PPFIA2: variants seen among roughly 807,000 people sequenced by gnomAD.
PPFIA2 encodes liprin-alpha-2.
PPFIA2 carries 46 observed loss-of-function variants against 175.5 expected under a neutral mutation model. The observed-to-expected ratio is 0.26, with a 90% CI of 0.21 to 0.34. PPFIA2 has a LOEUF of 0.34. Ranked by LOEUF, PPFIA2 falls within the 10% of genes least tolerant of loss-of-function variation. PPFIA2 has a pLI of 1.00. For synonymous variants in PPFIA2, 568 were observed against 511.4 expected (o/e 1.11, Z -1.49); for missense variants, 1,179 against 1,506.1 (o/e 0.78, Z 3.60).
chr12:81,533,737 ATATATC>A (rs1567218691), intron 4 of PPFIA2, among the ~76,000 whole-genome samples: 7 of 68,650 alleles, frequency 1.0e-4, no homozygotes, highest in Admixed American at 8.5e-4. Context: ...CTATCTATCT[ATATATC>A]TATCTATCTA....
At position 81,747,438 on chromosome 12, in the gene PPFIA2, G is replaced by A. The variant is rs1033490309; in HGVS notation, c.249+6535C>T. Among the ~76,000 whole-genome samples, 5 of 143,914 alleles carry A rather than the reference G, an allele frequency of 3.5e-5. 1 individual carries two copies. Among genetic ancestry groups the A allele is most frequent in the Non-Finnish European group, 6.2e-5 (4 of 64,150 alleles). The allele number at this position is 143,914 out of a possible 152,430, so 94.4% of individuals were successfully genotyped here. Reference sequence around the variant, plus strand: ...ATACCTTTAAAATTTGATAAAGATTGAAGAGAGTAAGGATTTTTAATGCTC... The same window carrying A: ...ATACCTTTAAAATTTGATAAAGATTAAAGAGAGTAAGGATTTTTAATGCTC... On this transcript the variant is annotated intron_variant, in intron 3 of 32. Transcript: ENST00000549396.
intron 4 of PPFIA2, among the ~76,000 whole-genome samples, chr12:81,577,458 T>C (rs1311378936): frequency 6.6e-6 from 1 of 151,722 alleles, no homozygotes; most frequent in Non-Finnish European, 1.5e-5. Flanking sequence ...ACCACCATAA[T>C]AGGAAATATA....
At chr12:81,508,836 T>C (rs1258658028) in intron 4 of PPFIA2, among the ~76,000 whole-genome samples, 1 of 142,844 alleles carries the variant, frequency 7.0e-6, no homozygotes, top group African/African-American at 2.6e-5. Flanking sequence ...CATTGTTCAA[T>C]TCCCACCTAT....
intron 3 of PPFIA2, among the ~76,000 whole-genome samples, chr12:81,699,490 T>C (rs2076259557): frequency 6.6e-6 from 1 of 151,660 alleles, no homozygotes; most frequent in Non-Finnish European, 1.5e-5. Context: ...TTCATAGTCA[T>C]AGTAATATTA....
intron 8 of PPFIA2, among the ~76,000 whole-genome samples, chr12:81,402,260 C>T (rs914413827): frequency 6.6e-6 from 1 of 152,128 alleles, no homozygotes; most frequent in African/African-American, 2.4e-5. Context: ...AATTTACACA[C>T]TAACACTACA....
chr12:81,758,588 G>A, intron 1 of PPFIA2, 81 bp from the exon 2 acceptor site: 1 of 360,830 alleles, frequency 2.8e-6, no homozygotes, highest in South Asian at 2.0e-5. Flanking sequence ...CCGGTGGCGT[G>A]GCAGGAGCTC....
At chr12:81,409,013 A>G (rs1314961472) in intron 7 of PPFIA2, among the ~76,000 whole-genome samples, 2 of 152,168 alleles carry the variant, frequency 1.3e-5, no homozygotes, top group Non-Finnish European at 2.9e-5. Context: ...GGTGTTAAGC[A>G]TTTTCTTCAA....
rs1397674085 is a variant in PPFIA2 at position 81,312,108 on chromosome 12, A to G, written c.2643-12726T>C. ...AGTAATACTCTGAAAAAAGAAAAAA[A>G]AAGATGGCGCTGAAAATAAACATGT... On this transcript the variant is annotated intron_variant, in intron 22 of 32. Transcript: ENST00000549396. 9 of 1,519,838 alleles carry G rather than the reference A, an allele frequency of 5.9e-6. No homozygotes were observed. In the Admixed American group the frequency reaches 1.8e-4, roughly 31 times the overall value. The allele number at this position is 1,519,838 out of a possible 1,614,324, so 94.1% of individuals were successfully genotyped here. A position where few individuals can be genotyped will look rare whatever the true frequency, so the allele number is the denominator to read the frequency against.
chr12:81,296,338 A>G (rs1184965125), intron 23 of PPFIA2, among the ~76,000 whole-genome samples: 1 of 152,146 alleles, frequency 6.6e-6, no homozygotes, highest in East Asian at 1.9e-4. Flanking sequence ...AAGAAATTAG[A>G]TATTTTGATT....
chr12:81,748,999 T>A (rs1251118163), intron 3 of PPFIA2, among the ~76,000 whole-genome samples: 1 of 144,266 alleles, frequency 6.9e-6, no homozygotes, highest in Non-Finnish European at 1.6e-5. Context: ...TGCTATTTAA[T>A]CTTTTAAAAC....
chr12:81,311,610 G>A (rs1054625306), intron 22 of PPFIA2, among the ~76,000 whole-genome samples: 32 of 151,804 alleles, frequency 2.1e-4, no homozygotes, highest in African/African-American at 7.7e-4. Context: ...GTGGGTGCCT[G>A]TAGTCCCAGC....
chr12:81,353,383 C>T, intron 16 of PPFIA2, 44 bp from the exon 17 acceptor site: 4 of 1,392,936 alleles, frequency 2.9e-6, no homozygotes, highest in South Asian at 1.2e-5. Context: ...TCATATTGCT[C>T]ATTTTCAAAG....
Position 81,268,098 on chromosome 12 carries a change from AGATGCATCATTTTAG to A in PPFIA2, c.3311-26_3311-12del, listed in dbSNP as rs763939595. On this transcript the variant is annotated splice_polypyrimidine_tract_variant and intron_variant, in intron 28 of 32. Transcript: ENST00000549396. ...TCCACACCAACACGTCTAGGAAAAG[AGATGCATCATTTTAG>A]GATGCATTATTTTTCTTTCTTTTTT... is the stretch of plus-strand genomic sequence containing the variant. 1 of 1,508,974 alleles carries A rather than the reference AGATGCATCATTTTAG, an allele frequency of 6.6e-7. No homozygotes were observed. Among genetic ancestry groups the A allele is most frequent in the Admixed American group, 1.9e-5 (1 of 53,196 alleles). The allele number at this position is 1,508,974 out of a possible 1,614,324, so 93.5% of individuals were successfully genotyped here.
chr12:81,529,867 G>C (rs1184718774), intron 4 of PPFIA2, among the ~76,000 whole-genome samples: 1 of 151,546 alleles, frequency 6.6e-6, no homozygotes, highest in Non-Finnish European at 1.5e-5. Flanking sequence ...ATAACTAATG[G>C]GTACTAGGCT....
chr12:81,317,968 A>C (rs568042164), intron 22 of PPFIA2, among the ~76,000 whole-genome samples: 9 of 151,728 alleles, frequency 5.9e-5, no homozygotes, highest in African/African-American at 1.9e-4. Flanking sequence ...TATGGTGAAC[A>C]ATTCCCTTTC....
At chr12:81,550,568 G>A (rs1261616579) in intron 4 of PPFIA2, among the ~76,000 whole-genome samples, 1 of 151,898 alleles carries the variant, frequency 6.6e-6, no homozygotes, top group Non-Finnish European at 1.5e-5. Context: ...TTGGGAGTTT[G>A]GTTTCAAGGA....
chr12:81,360,700 A>G (rs953794864), intron 15 of PPFIA2, among the ~76,000 whole-genome samples: 5 of 151,738 alleles, frequency 3.3e-5, no homozygotes, highest in African/African-American at 4.8e-5. Flanking sequence ...TGTTTTTACG[A>G]AATTACTTGT....
intron 22 of PPFIA2, among the ~76,000 whole-genome samples, chr12:81,316,401 AT>A (rs901131450): frequency 6.6e-6 from 1 of 151,522 alleles, no homozygotes; most frequent in South Asian, 2.1e-4. Context: ...CTTTAATTTG[AT>A]TTTTTTATTT....
At chr12:81,716,290 T>G (rs1375691889) in intron 3 of PPFIA2, among the ~76,000 whole-genome samples, 1 of 151,768 alleles carries the variant, frequency 6.6e-6, no homozygotes, top group African/African-American at 2.4e-5. Context: ...AACAAAGAGC[T>G]GGATCAGCAA....
Sources: gnomAD v4.1 joint callset for allele counts (sites outside exome capture counted in the v4.1 genomes callset) on GRCh38, gnomAD v4.1.1 for gene constraint, MANE v1.5 for transcripts, NCBI Gene and HGNC (gene_info 2026-07-23, HGNC 2026-07-21) for gene names.